The following LARP1 variants were observed in gnomAD, a reference collection of about 807,000 sequenced individuals.
LARP1 encodes the protein La ribonucleoprotein 1, translational regulator.
Under a neutral mutation model 122.7 loss-of-function variants are expected in LARP1, and 36 were observed. That is an observed-to-expected ratio of 0.29 (90% CI 0.22 to 0.39). The LOEUF (loss-of-function observed/expected upper bound fraction) is 0.39. Ranked by LOEUF, LARP1 falls within the 10% of genes least tolerant of loss-of-function variation. The pLI is 1.00. For missense variants in LARP1, 1,040 were observed against 1,403.6 expected, an observed-to-expected ratio of 0.74 and a Z score of 4.14; for synonymous variants, 539 against 528.7, an observed-to-expected ratio of 1.02 and a Z score of -0.27.
chr5:154,720,209 G>GTAA (rs3060312), intron 1 of LARP1, among the ~76,000 whole-genome samples: 55,760 of 150,572 alleles, frequency 0.37, 11,615 homozygotes, highest in Non-Finnish European at 0.49. Flanking sequence ...AATAATAATA[G>GTAA]TAATAATAAT....
chr5:154,755,732 G>A lies in LARP1; in HGVS notation c.-26G>A. On this transcript the variant is annotated 5_prime_UTR_variant, in exon 1 of 19. Transcript: ENST00000518297. The stretch of plus-strand genomic sequence containing the variant: ...GGGGAGGCAGCCTCGGGCGCGCCCG[G>A]CTTCTCCGGGGGGGCGGGCGCGCAG... 1 of 987,744 alleles carries A rather than the reference G, an allele frequency of 1.0e-6. No individual in the cohort carries two copies. The allele number at this position is 987,744 out of a possible 1,614,324, so 61.2% of individuals were successfully genotyped here. A position where few individuals can be genotyped will look rare whatever the true frequency, so the allele number is the denominator to read the frequency against.
chr5:154,800,148 A>T (rs947046348), intron 10 of LARP1, 106 bp downstream of exon 10: 1 of 1,009,400 alleles, frequency 9.9e-7, no homozygotes, highest in East Asian at 2.5e-5. Flanking sequence ...GCCAGCAGGA[A>T]ATCTGGGTAG....
intron 1 of LARP1, among the ~76,000 whole-genome samples, chr5:154,760,708 A>G (rs909905534): frequency 3.3e-5 from 5 of 152,254 alleles, no homozygotes; most frequent in African/African-American, 4.8e-5. Flanking sequence ...CTAATTAGCC[A>G]TGAGGTAGGC....
chr5:154,796,112 GTA>G (rs1361301736), intron 8 of LARP1, among the ~76,000 whole-genome samples: 52 of 81,544 alleles, frequency 6.4e-4, no homozygotes, highest in African/African-American at 2.8e-3. Flanking sequence ...TTTATATATA[GTA>G]TATATATTAT....
At chr5:154,720,237 A>G (rs879677221) in intron 1 of LARP1, among the ~76,000 whole-genome samples, 8 of 152,018 alleles carry the variant, frequency 5.3e-5, no homozygotes, top group Non-Finnish European at 1.2e-4. Context: ...CTAACCATAG[A>G]TGGTATTTTT....
rs1753892430 is a variant in LARP1, at chr5:154,756,314, T to A, written c.436+121T>A. 5.2e-5 allele frequency: 49 copies of A among 939,548 alleles called. No individual in the cohort carries two copies. In the South Asian group the frequency reaches 1.3e-3, roughly 25 times the overall value. 58.2% of individuals were successfully genotyped at this position (939,548 alleles called of 1,614,324 possible). On this transcript the variant is annotated intron_variant, in intron 1 of 18. Coordinates refer to ENST00000518297, the MANE Select transcript of LARP1 (RefSeq NM_033551.3). ...CCGGTCATGGTGACTCGGGACTTTT[T>A]AAAATTGCCTCCTGGTTGATCCTGG...
intron 1 of LARP1, among the ~76,000 whole-genome samples, chr5:154,690,269 A>C (rs993757223): frequency 2.6e-5 from 4 of 152,046 alleles, no homozygotes; most frequent in Non-Finnish European, 1.5e-5. Flanking sequence ...GAATGAAGTT[A>C]ATTTGGGTGG....
chr5:154,703,707 G>A (rs758856950), intron 1 of LARP1, among the ~76,000 whole-genome samples: 11 of 152,036 alleles, frequency 7.2e-5, no homozygotes, highest in Non-Finnish European at 1.5e-4. Context: ...TGCAACCTCC[G>A]TGACCTGGGC....
At chr5:154,795,825 ATATATATATTTTATATATATT>A (rs1356256003) in intron 8 of LARP1, among the ~76,000 whole-genome samples, 14 of 109,864 alleles carry the variant, frequency 1.3e-4, no homozygotes, top group Admixed American at 2.1e-4. Context: ...ATATATATTT[ATATATATATTTTATATATATT>A]TATATATATT....
intron 1 of LARP1, among the ~76,000 whole-genome samples, chr5:154,739,513 CTTCTT>C (rs1375664206): frequency 6.6e-6 from 1 of 152,162 alleles, no homozygotes; most frequent in East Asian, 1.9e-4. Flanking sequence ...TTTTCAAAGC[CTTCTT>C]TTCTTGTCCA....
At chr5:154,706,955 C>G (rs191674619) in intron 1 of LARP1, among the ~76,000 whole-genome samples, 1 of 152,148 alleles carries the variant, frequency 6.6e-6, no homozygotes, top group African/African-American at 2.4e-5. Flanking sequence ...ACCATCCCCC[C>G]ACATTTATGG....
intron 1 of LARP1, among the ~76,000 whole-genome samples, chr5:154,725,651 C>A (rs77984302): frequency 6.6e-6 from 1 of 152,030 alleles, no homozygotes; most frequent in African/African-American, 2.4e-5. Context: ...TAAGGGGTCA[C>A]GATTCCAGAG....
upstream of LARP1, among the ~76,000 whole-genome samples, chr5:154,755,305 G>A (rs182922923): frequency 4.7e-5 from 7 of 148,134 alleles, no homozygotes; most frequent in African/African-American, 1.7e-4. Context: ...GCCGCGTCGT[G>A]AGGCGCGCGC....
chr5:154,799,958 C>T lies in LARP1; in HGVS notation c.1632C>T (p.Gly544=), dbSNP rs199683671. The change falls in exon 10 of 19, where the codon GGC becomes GGT. Residue 544 remains glycine (G), a synonymous_variant. Coordinates refer to ENST00000518297, the MANE Select transcript of LARP1 (RefSeq NM_033551.3). ...EVSNLKTLPK[G]LSASLPDLDS... is the part of the protein sequence containing the mutation. The stretch of plus-strand genomic sequence containing the variant: ...GCAACCTAAAGACACTACCCAAGGG[C>T]CTGTCTGCCAGCCTGCCTGACCTGG... 11 of 1,614,190 alleles carry T rather than the reference C, an allele frequency of 6.8e-6. No individual in the cohort carries two copies. In the East Asian group the frequency reaches 2.2e-4, roughly 33 times the overall value.
upstream of LARP1, among the ~76,000 whole-genome samples, chr5:154,753,861 G>C (rs145842535): frequency 2.4e-3 from 369 of 152,322 alleles, 3 homozygotes; most frequent in African/African-American, 8.3e-3. Context: ...GCAGTTCCAA[G>C]AGGCTTTTCA....
intron 1 of LARP1, among the ~76,000 whole-genome samples, chr5:154,778,806 T>C (rs1756142877): frequency 1.3e-5 from 2 of 152,194 alleles, no homozygotes; most frequent in African/African-American, 2.4e-5. Flanking sequence ...CATGGGGCAA[T>C]AGTCTTTCCT....
intron 1 of LARP1, among the ~76,000 whole-genome samples, chr5:154,719,631 G>A (rs1446740429): frequency 6.6e-6 from 1 of 152,168 alleles, no homozygotes; most frequent in Non-Finnish European, 1.5e-5. Flanking sequence ...GGAGGCCGAG[G>A]TAGGTGGATC....
intron 18 of LARP1, 119 bp downstream of exon 18, chr5:154,811,759 C>A: frequency 8.1e-7 from 1 of 1,237,912 alleles, no homozygotes; most frequent in East Asian, 2.4e-5. Context: ...TCCCTGCTCC[C>A]CACAATTTGG....
intron 1 of LARP1, among the ~76,000 whole-genome samples, chr5:154,740,575 G>C (rs1230119512): frequency 1.3e-5 from 2 of 152,120 alleles, no homozygotes; most frequent in Admixed American, 6.5e-5. Flanking sequence ...AGGTTTTATG[G>C]CTTGCTCAAG....
Sources: gnomAD v4.1 joint callset for allele counts (sites outside exome capture counted in the v4.1 genomes callset) on GRCh38, gnomAD v4.1.1 for gene constraint, MANE v1.5 for transcripts, NCBI Gene and HGNC (gene_info 2026-07-23, HGNC 2026-07-21) for gene names.